The following TMEM268 variants were observed in gnomAD, a reference collection of about 807,000 sequenced individuals.
The protein encoded by TMEM268 is transmembrane protein C9orf91.
A neutral mutation model predicts 39.1 loss-of-function variants in TMEM268; 24 were observed. The observed-to-expected ratio is 0.61, with a 90% confidence interval of 0.44 to 0.86. TMEM268 has a LOEUF of 0.86. Among genes scored for constraint, TMEM268 ranks in the 40% least tolerant of loss-of-function variants. The pLI is 0.00. For missense variants in TMEM268, 409 were observed against 428.6 expected (o/e 0.95, Z 0.40); for synonymous variants, 176 against 173.5 (o/e 1.01, Z -0.12).
At chr9:114,626,863 G>C (rs747876890) in intron 3 of TMEM268, 36 bp from the exon 4 acceptor site, 10 of 1,507,572 alleles carry the variant, frequency 6.6e-6, no homozygotes, top group Non-Finnish European at 9.2e-6. Context: ...TGGCTGTCCT[G>C]CGGCTGATTG....
intron 5 of TMEM268, among the ~76,000 whole-genome samples, chr9:114,633,463 C>T (rs895370732): frequency 3.3e-5 from 5 of 151,858 alleles, no homozygotes; most frequent in Admixed American, 1.3e-4. Flanking sequence ...CCTGGCCCCA[C>T]GTAGTTAATT....
At chr9:114,640,730 G>T (rs1846868268) in intron 8 of TMEM268, among the ~76,000 whole-genome samples, 1 of 152,160 alleles carries the variant, frequency 6.6e-6, no homozygotes, top group Non-Finnish European at 1.5e-5. Flanking sequence ...ATATTTTCTA[G>T]CACAAAGGAT....
At chr9:114,633,963 C>T in intron 6 of TMEM268, 85 bp downstream of exon 6, 3 of 719,700 alleles carry the variant, frequency 4.2e-6, no homozygotes, top group Non-Finnish European at 6.9e-6. Flanking sequence ...TTCTCCCAGC[C>T]TACACAGTGT....
chr9:114,617,163 A>T lies in TMEM268; in HGVS notation c.-33A>T, dbSNP rs754666454. On this transcript the variant is annotated 5_prime_UTR_variant, in exon 2 of 9. It removes the in-frame stop codon of an upstream open reading frame in the 5' UTR. Coordinates refer to ENST00000288502, the MANE Select transcript of TMEM268 (RefSeq NM_153045.4). ...TGCTCCAGAATGAACCACAGCTCTG[A>T]GAAGGGGAAGTAGAAACAGCTGGCG... The T allele has an allele frequency of 7.1e-7, 1 of 1,416,392 alleles. No homozygotes were observed. Among genetic ancestry groups the T allele is most frequent in the Non-Finnish European group, 9.8e-7 (1 of 1,017,248 alleles). 87.7% of individuals were successfully genotyped at this position (1,416,392 alleles called of 1,614,324 possible).
In TMEM268 at chr9:114,638,670, G is replaced by A. The variant is rs1431528259; in HGVS notation, c.793G>A (p.Glu265Lys). ...CCTGCCCGGCAATTCTTGTCCTAAC[G>A]AGAGGCCACTCATGCAGACTGAGCT... Reference protein sequence around the residue: ...PLLPGNSCPNERPLMQTELHQ... With the variant: ...PLLPGNSCPNKRPLMQTELHQ... Residue 265 changes from glutamate to lysine, a missense_variant, in exon 8 of 9, where the codon GAG becomes AAG. Physicochemically the swap from Glu to Lys is moderately conservative, Grantham distance 56. Coordinates refer to ENST00000288502, the MANE Select transcript of TMEM268 (RefSeq NM_153045.4). The A allele has an allele frequency of 4.4e-6, 7 of 1,607,706 alleles. No individual in the cohort carries two copies. The highest frequency in any genetic ancestry group is 2.5e-6 in the Non-Finnish European group (3 of 1,177,276).
At chr9:114,623,144 G>GTTAT (rs1003638331) in intron 2 of TMEM268, among the ~76,000 whole-genome samples, 13 of 152,092 alleles carry the variant, frequency 8.5e-5, no homozygotes, top group East Asian at 1.9e-4. Flanking sequence ...CCACAGATTT[G>GTTAT]TTATTTATTT....
At chr9:114,626,392 T>C (rs1159689536) in intron 3 of TMEM268, among the ~76,000 whole-genome samples, 1 of 152,246 alleles carries the variant, frequency 6.6e-6, no homozygotes, top group Non-Finnish European at 1.5e-5. Context: ...TTAATAGATA[T>C]TGATATTGCA....
At position 114,626,973 on chromosome 9, in the gene TMEM268, C is replaced by T. The variant is rs1283738951; in HGVS notation, c.291C>T (p.Tyr97=). The change falls in exon 4 of 9, where the codon TAC becomes TAT. Residue 97 remains tyrosine (Y), a synonymous_variant. Coordinates refer to ENST00000288502, the MANE Select transcript of TMEM268 (RefSeq NM_153045.4). ...CCCAAGTGAGAAGATATATCATCTA[C>T]AACTCGAGGCCTATGCGGCTGGCCT... The part of the protein sequence containing the change: ...LEPQVRRYII[Y]NSRPMRLAFA... 1.7e-5 allele frequency: 28 copies of T among 1,613,440 alleles called. No individual in the cohort carries two copies. The highest frequency in any genetic ancestry group is 2.2e-5 in the Non-Finnish European group (26 of 1,179,474).
At chr9:114,642,024 C>A (rs1465492468) in intron 8 of TMEM268, among the ~76,000 whole-genome samples, 1 of 152,054 alleles carries the variant, frequency 6.6e-6, no homozygotes, top group Non-Finnish European at 1.5e-5. Context: ...TTTATTGTGG[C>A]AAATATACAT....
rs368344920 is a variant in TMEM268, at chr9:114,638,830, A to G, written c.849+104A>G. ...AGATTCCCCAAGACATGCTTCTCTC[A>G]GTTAGTAGACACCACACAAATCTAG... On this transcript the variant is annotated intron_variant, in intron 8 of 8. Coordinates refer to ENST00000288502, the MANE Select transcript of TMEM268 (RefSeq NM_153045.4). The G allele has an allele frequency of 4.6e-4, 372 of 813,268 alleles. 1 individual carries two copies. Among genetic ancestry groups the G allele is most frequent in the African/African-American group, 4.2e-3 (235 of 55,592 alleles). The allele number at this position is 813,268 out of a possible 1,614,324, so 50.4% of individuals were successfully genotyped here.
intron 5 of TMEM268, among the ~76,000 whole-genome samples, chr9:114,628,605 A>G (rs578108573): frequency 6.6e-6 from 1 of 152,016 alleles, no homozygotes; most frequent in Non-Finnish European, 1.5e-5. Context: ...TACTGAACCC[A>G]CCCTGCAGCA....
intron 7 of TMEM268, 29 bp from the exon 8 acceptor site, chr9:114,638,515 C>T (rs749057268): frequency 1.6e-5 from 24 of 1,515,522 alleles, no homozygotes; most frequent in Admixed American, 2.1e-5. Flanking sequence ...TTTAGGCACT[C>T]CTGAGCCCCT....
chr9:114,637,930 C>T (rs1470586682), intron 7 of TMEM268, among the ~76,000 whole-genome samples: 1 of 152,228 alleles, frequency 6.6e-6, no homozygotes, highest in Non-Finnish European at 1.5e-5. Context: ...TCATTAGTTC[C>T]TGTGTGGCCT....
upstream of TMEM268, among the ~76,000 whole-genome samples, chr9:114,606,590 A>G (rs191350196): frequency 4.8e-4 from 73 of 152,328 alleles, no homozygotes; most frequent in East Asian, 8.9e-3. Flanking sequence ...AAGGTACTCT[A>G]TATACATAAT....
At chr9:114,629,694 C>T (rs1846307941) in intron 5 of TMEM268, among the ~76,000 whole-genome samples, 1 of 152,196 alleles carries the variant, frequency 6.6e-6, no homozygotes, top group Admixed American at 6.5e-5. Flanking sequence ...TCTTGTTCCT[C>T]CATCCCCCGA....
At chr9:114,633,683 G>A (rs1442762157) in intron 5 of TMEM268, 85 bp from the exon 6 acceptor site, 5 of 629,078 alleles carry the variant, frequency 7.9e-6, no homozygotes, top group African/African-American at 1.9e-5. Context: ...ATCTGGGGGT[G>A]GGATGGTGTG....
intron 6 of TMEM268, among the ~76,000 whole-genome samples, chr9:114,636,727 C>G (rs1846654272): frequency 6.6e-6 from 1 of 152,190 alleles, no homozygotes; most frequent in Non-Finnish European, 1.5e-5. Context: ...TCTTGAACTC[C>G]TGGCCTCAAG....
At chr9:114,621,884 A>G (rs1845959787) in intron 2 of TMEM268, among the ~76,000 whole-genome samples, 1 of 152,204 alleles carries the variant, frequency 6.6e-6, no homozygotes, top group Non-Finnish European at 1.5e-5. Flanking sequence ...GAACGTGGTA[A>G]CAAGGTTGGC....
intron 5 of TMEM268, among the ~76,000 whole-genome samples, chr9:114,630,208 C>A (rs1846333557): frequency 6.6e-6 from 1 of 152,170 alleles, no homozygotes; most frequent in Non-Finnish European, 1.5e-5. Context: ...GCCGCACAGC[C>A]AGGAAACAGC....
Sources: gnomAD v4.1 joint callset for allele counts (sites outside exome capture counted in the v4.1 genomes callset) on GRCh38, gnomAD v4.1.1 for gene constraint, MANE v1.5 for transcripts, NCBI Gene and HGNC (gene_info 2026-07-23, HGNC 2026-07-21) for gene names.